The following KIF23 variants were observed in gnomAD, a reference collection of about 807,000 sequenced individuals.
The protein encoded by KIF23 is kinesin family member 23, also known as kinesin-like protein KIF23.
KIF23 carries 30 observed loss-of-function variants against 137.5 expected under a neutral mutation model. That is an observed-to-expected ratio of 0.22 (90% CI 0.16 to 0.30). The LOEUF is 0.30. Ranked by LOEUF, KIF23 falls within the 10% of genes least tolerant of loss-of-function variation. The probability of loss-of-function intolerance (pLI) is 1.00; values close to 1 mark genes in which losing one functional copy is unlikely to be tolerated. For missense variants in KIF23, 920 were observed against 1,194.3 expected, an observed-to-expected ratio of 0.77 and a Z score of 3.38; for synonymous variants, 367 against 391.1, an observed-to-expected ratio of 0.94 and a Z score of 0.73.
intron 11 of KIF23, chr15:69,434,843 C>T (rs1050409219): frequency 1.2e-6 from 1 of 839,488 alleles, no homozygotes; most frequent in African/African-American, 1.7e-5. Context: ...TGTCCAGGCA[C>T]AGGGCATAGC....
rs1157715694 is a variant in KIF23 at position 69,422,340 on chromosome 15, T to C, written c.468T>C (p.Asn156=). 6.3e-7 allele frequency: 1 copy of C among 1,582,854 alleles called. No individual in the cohort carries two copies. The highest frequency in any genetic ancestry group is 1.8e-5 in the Admixed American group (1 of 55,376). The change falls in exon 6 of 24, where the codon AAT becomes AAC. Residue 156 remains asparagine, a synonymous_variant. Coordinates refer to ENST00000679126, the MANE Select transcript of KIF23 (RefSeq NM_001367805.3). Reference sequence around the variant, plus strand: ...CCCCACTTCAGGTTTTCAAATCTAATGATAGGAATAGTATGGATATACAGT... The same window carrying C: ...CCCCACTTCAGGTTTTCAAATCTAACGATAGGAATAGTATGGATATACAGT... ...FQAKRYVFKS[N]DRNSMDIQCE... is the part of the protein sequence containing the mutation.
chr15:69,436,002 G>T (rs2057468591), intron 13 of KIF23, 136 bp from the exon 14 acceptor site: 2 of 1,241,002 alleles, frequency 1.6e-6, no homozygotes, highest in Non-Finnish European at 1.1e-6. Context: ...AGTGAGTCGT[G>T]TTCATGCCAC....
chr15:69,421,833 G>T, intron 4 of KIF23, 81 bp downstream of exon 4: 3 of 1,310,234 alleles, frequency 2.3e-6, no homozygotes, highest in South Asian at 2.6e-5. Context: ...TTATATATTT[G>T]ATTTATGTTT....
chr15:69,435,963 A>G (rs191828131), intron 13 of KIF23, among the ~76,000 whole-genome samples, 175 bp from the exon 14 acceptor site: 25 of 152,268 alleles, frequency 1.6e-4, no homozygotes, highest in South Asian at 6.2e-4. Context: ...GGGACGATCA[A>G]TTGGGCCCAC....
At chr15:69,441,403 A>G (rs2057617698) in intron 19 of KIF23, among the ~76,000 whole-genome samples, 2 of 152,184 alleles carry the variant, frequency 1.3e-5, no homozygotes, top group South Asian at 4.1e-4. Flanking sequence ...CATACTTTCC[A>G]TATTTTTCTT....
chr15:69,429,074 A>G (rs1486144760), intron 10 of KIF23, 37 bp from the exon 11 acceptor site: 2 of 1,362,116 alleles, frequency 1.5e-6, no homozygotes, highest in South Asian at 1.2e-5. Context: ...AACCAGTTAT[A>G]ACCCATTTTA....
intron 16 of KIF23, among the ~76,000 whole-genome samples, chr15:69,439,061 G>A (rs112110346): frequency 1.3e-5 from 2 of 151,242 alleles, no homozygotes; most frequent in African/African-American, 4.9e-5. Context: ...TTGCACGACT[G>A]CACTCCAGCC....
intron 10 of KIF23, among the ~76,000 whole-genome samples, chr15:69,428,676 A>C (rs903735339): frequency 1.9e-4 from 29 of 151,658 alleles, no homozygotes; most frequent in African/African-American, 4.8e-4. Context: ...AAAAAAAAAA[A>C]AAAAAAAAAC....
At chr15:69,415,916 G>C (rs1189952666) in intron 1 of KIF23, 78 bp from the exon 2 acceptor site, 1 of 1,004,878 alleles carries the variant, frequency 1.0e-6, no homozygotes, top group East Asian at 2.9e-5. Flanking sequence ...TAGAAAGATT[G>C]TATAAGTTTT....
At chr15:69,423,569 T>C (rs1010463244) in intron 7 of KIF23, among the ~76,000 whole-genome samples, 2 of 152,186 alleles carry the variant, frequency 1.3e-5, no homozygotes, top group South Asian at 2.1e-4. Context: ...GACCCAAATA[T>C]TCATCTTGGA....
chr15:69,417,366 C>T lies in KIF23; in HGVS notation c.82-17C>T. 5 of 1,547,674 alleles carry T rather than the reference C, an allele frequency of 3.2e-6. No individual in the cohort carries two copies. Among genetic ancestry groups the T allele is most frequent in the Non-Finnish European group, 4.4e-6 (5 of 1,148,706 alleles). ...AAGGTCGAACTTTCTTCTTAAAGCA[C>T]CTTCCTATTTCTTCAGGTATACTGT... is the stretch of plus-strand genomic sequence containing the variant. On this transcript the variant is annotated splice_polypyrimidine_tract_variant and intron_variant, in intron 2 of 23. Transcript: ENST00000679126.
chr15:69,420,492 A>G (rs1171007014), intron 3 of KIF23, among the ~76,000 whole-genome samples: 1 of 152,184 alleles, frequency 6.6e-6, no homozygotes, highest in East Asian at 1.9e-4. Context: ...TGATTTTTAC[A>G]GGATATTTTA....
chr15:69,419,302 G>GAA (rs55667702), intron 3 of KIF23, among the ~76,000 whole-genome samples: 48 of 151,814 alleles, frequency 3.2e-4, no homozygotes, highest in African/African-American at 1.1e-3. Context: ...AGAGCAGACA[G>GAA]TGATCTTTTA....
At chr15:69,415,567 G>T (rs1352953330) in intron 1 of KIF23, among the ~76,000 whole-genome samples, 6 of 152,196 alleles carry the variant, frequency 3.9e-5, no homozygotes, top group African/African-American at 1.4e-4. Flanking sequence ...ATGACTGGTT[G>T]TTCCTTGAAA....
At position 69,425,325 on chromosome 15, in the gene KIF23, T is replaced by C; in HGVS notation, c.776+2T>C. The C allele has an allele frequency of 3.9e-6, 6 of 1,535,662 alleles. No individual in the cohort carries two copies. Among genetic ancestry groups the C allele is most frequent in the Non-Finnish European group, 4.4e-6 (5 of 1,146,566 alleles). The stretch of plus-strand genomic sequence containing the variant: ...ACCCATGAGGAACACAGATTTTGTG[T>C]ATGTGATGGTGTTGGCTCTTTTCTT... On this transcript the variant is annotated splice_donor_variant, in intron 8 of 23. Transcript: ENST00000679126. LOFTEE classifies it high-confidence loss of function.
chr15:69,444,909 C>T lies in KIF23; in HGVS notation c.2541C>T (p.Val847=), dbSNP rs1173231473. Residue 847 remains valine (V), a synonymous_variant, in exon 20 of 24, where the codon GTC becomes GTT. Transcript: ENST00000679126. This position sits in a 1 kb window ranked among gnomAD's most constrained non-coding sequence, Gnocchi z 4.2. ...KPASNMQTET[V]MQPHVPHAIT... ...CCTCTAACATGCAAACTGAAACAGT[C>T]ATGCAGCCACATGTCCCTCATGCCA... The T allele has an allele frequency of 6.2e-7, 1 of 1,614,174 alleles. No individual in the cohort carries two copies.
At chr15:69,439,215 T>G (rs1020451401) in intron 16 of KIF23, among the ~76,000 whole-genome samples, 1 of 152,178 alleles carries the variant, frequency 6.6e-6, no homozygotes, top group African/African-American at 2.4e-5. Context: ...TTTTAACAGT[T>G]GAAAAGGATG....
intron 22 of KIF23, 34 bp from the exon 23 acceptor site, chr15:69,446,837 G>A (rs1323156772): frequency 1.3e-6 from 2 of 1,583,148 alleles, no homozygotes; most frequent in South Asian, 1.1e-5. Flanking sequence ...ATTGAGAGGA[G>A]CTGATCTTTT....
At chr15:69,422,481 T>G in intron 6 of KIF23, 46 bp downstream of exon 6, 1 of 1,087,452 alleles carries the variant, frequency 9.2e-7, no homozygotes, top group Non-Finnish European at 1.4e-6. Context: ...GGGCACAGGA[T>G]TCTTTCCTGT....
Sources: gnomAD v4.1 joint callset for allele counts (sites outside exome capture counted in the v4.1 genomes callset) on GRCh38, gnomAD v4.1.1 for gene constraint, Gnocchi (gnomAD v3.1) non-coding constraint, MANE v1.5 for transcripts, NCBI Gene and HGNC (gene_info 2026-07-23, HGNC 2026-07-21) for gene names.